The following SNAP23 variants were observed in gnomAD, a reference collection of about 807,000 sequenced individuals.
SNAP23 encodes the protein synaptosomal-associated protein 23.
Under a neutral mutation model 29.0 loss-of-function variants are expected in SNAP23, and 11 were observed. The observed-to-expected ratio is 0.38, with a 90% CI of 0.24 to 0.63. The LOEUF is 0.63. SNAP23 is among the 20% of genes least tolerant of loss of function. The pLI, the probability that SNAP23 is intolerant of heterozygous loss-of-function variation, is 0.58. For missense variants in SNAP23, 220 were observed against 253.9 expected (o/e 0.87, Z 0.91); for synonymous variants, 60 against 82.9 (o/e 0.72, Z 1.50).
intron 3 of SNAP23, 200 bp downstream of exon 3, chr15:42,513,196 T>C (rs766684707): frequency 4.0e-6 from 3 of 743,156 alleles, no homozygotes; most frequent in Non-Finnish European, 4.9e-6. Context: ...ACAGGGAAGA[T>C]GAATTCACTA....
chr15:42,497,947 C>T (rs932602018), intron 1 of SNAP23, among the ~76,000 whole-genome samples: 12 of 152,192 alleles, frequency 7.9e-5, no homozygotes, highest in African/African-American at 2.7e-4. Context: ...ACAGCCATTA[C>T]GTCTTAAAAC....
intron 4 of SNAP23, among the ~76,000 whole-genome samples, chr15:42,514,215 C>A (rs557512422): frequency 6.6e-6 from 1 of 151,512 alleles, no homozygotes; most frequent in African/African-American, 2.4e-5. Flanking sequence ...GTGGCTTACT[C>A]CAGGATCCTC....
intron 5 of SNAP23, among the ~76,000 whole-genome samples, chr15:42,525,499 T>A (rs1446698663): frequency 4.4e-5 from 5 of 114,810 alleles, no homozygotes; most frequent in African/African-American, 1.6e-4. Flanking sequence ...AGTCTCACTC[T>A]GTCACCAAGG....
At chr15:42,498,462 G>C (rs58952814) in intron 1 of SNAP23, among the ~76,000 whole-genome samples, 7,221 of 152,258 alleles carry the variant, frequency 0.047, 572 homozygotes, top group African/African-American at 0.16. Context: ...AGCCCAAGCT[G>C]TACCTTGACC....
chr15:42,492,676 C>CAAAAAAAAAAAAAAAAAAAA (rs35363727), upstream of SNAP23: 1 of 83,688 alleles, frequency 1.2e-5, no homozygotes, highest in African/African-American at 5.0e-5. Flanking sequence ...GACTGCGTCT[C>CAAAAAAAAAAAAAAAAAAAA]AAAAAAAAAA....
In SNAP23 at chr15:42,532,551, C is replaced by G. The variant is rs1221944319; in HGVS notation, c.*1073C>G. 2 of 152,536 alleles carry G rather than the reference C, an allele frequency of 1.3e-5. No homozygotes were observed. Among genetic ancestry groups the G allele is most frequent in the Admixed American group, 6.5e-5 (1 of 15,272 alleles). The allele number at this position is 152,536 out of a possible 1,614,324, so 9.4% of individuals were successfully genotyped here. ...CATGGTTCCATTACAGGCCTATTAA[C>G]ATCATACATTGTCATTAGTCTTTGA... is the stretch of plus-strand genomic sequence containing the variant. On this transcript the variant is annotated 3_prime_UTR_variant, in exon 8 of 8. Coordinates refer to ENST00000249647, the MANE Select transcript of SNAP23 (RefSeq NM_003825.4).
At chr15:42,515,458 A>G (rs1235029733) in intron 5 of SNAP23, 104 bp downstream of exon 5, 29 of 675,174 alleles carry the variant, frequency 4.3e-5, no homozygotes, top group Middle Eastern at 2.5e-4. Flanking sequence ...GAGGAACTCT[A>G]TTAGATAAAT....
intron 5 of SNAP23, chr15:42,521,351 T>G: frequency 1.7e-6 from 1 of 581,370 alleles, no homozygotes; most frequent in South Asian, 7.6e-5. Flanking sequence ...TCTCTCATAT[T>G]GTCTAATTTT....
chr15:42,498,321 A>G (rs1413855750), intron 1 of SNAP23, among the ~76,000 whole-genome samples: 7 of 152,204 alleles, frequency 4.6e-5, no homozygotes, highest in Admixed American at 3.9e-4. Context: ...CTGGACATCC[A>G]GGCATTTCCG....
intron 1 of SNAP23, among the ~76,000 whole-genome samples, chr15:42,498,889 C>G (rs2057245690): frequency 6.6e-6 from 1 of 152,136 alleles, no homozygotes; most frequent in Non-Finnish European, 1.5e-5. Context: ...CTAGGTTTTA[C>G]TTTAGGTGCT....
chr15:42,532,455 A>G lies in SNAP23; in HGVS notation c.*977A>G, dbSNP rs2057575855. On this transcript the variant is annotated 3_prime_UTR_variant, in exon 8 of 8. Transcript: ENST00000249647. ...TATATGTACATAAATCTGTGATCCC[A>G]TTTCTTATTGCACCATTCAGGAACA... is the stretch of plus-strand genomic sequence containing the variant. The G allele has an allele frequency of 6.6e-6, 1 of 152,218 alleles. No homozygotes were observed. The allele number at this position is 152,218 out of a possible 1,614,324, so 9.4% of individuals were successfully genotyped here. A position where few individuals can be genotyped will look rare whatever the true frequency, so the allele number is the denominator to read the frequency against.
upstream of SNAP23, among the ~76,000 whole-genome samples, chr15:42,494,975 C>G (rs1305074090): frequency 6.6e-6 from 1 of 152,172 alleles, no homozygotes; most frequent in African/African-American, 2.4e-5. Flanking sequence ...AATTCCAAGG[C>G]CTTCCAAGAT....
chr15:42,529,631 T>C, intron 6 of SNAP23, 44 bp from the exon 7 acceptor site: 1 of 1,590,136 alleles, frequency 6.3e-7, no homozygotes, highest in Non-Finnish European at 8.5e-7. Context: ...GACTTTTATT[T>C]AAATTCAACA....
At chr15:42,515,377 T>C (rs756550732) in intron 5 of SNAP23, 23 bp downstream of exon 5, 2 of 1,473,500 alleles carry the variant, frequency 1.4e-6, no homozygotes, top group Admixed American at 1.8e-5. Flanking sequence ...ATTAAGATGG[T>C]TTCAAAATAA....
At chr15:42,501,990 G>A (rs745642776) in intron 1 of SNAP23, among the ~76,000 whole-genome samples, 1 of 150,446 alleles carries the variant, frequency 6.6e-6, no homozygotes. Flanking sequence ...TCTGTTGGGG[G>A]TATCCTTTCC....
intron 5 of SNAP23, among the ~76,000 whole-genome samples, chr15:42,517,754 G>A (rs527966289): frequency 7.2e-5 from 11 of 152,172 alleles, no homozygotes; most frequent in Admixed American, 2.0e-4. Flanking sequence ...TCTGTCTCCC[G>A]GGCTTGAATG....
intron 1 of SNAP23, among the ~76,000 whole-genome samples, chr15:42,508,819 T>C (rs1210008673): frequency 6.6e-6 from 1 of 152,202 alleles, no homozygotes; most frequent in Non-Finnish European, 1.5e-5. Flanking sequence ...ACATAATTTG[T>C]GATATTTGGG....
intron 4 of SNAP23, among the ~76,000 whole-genome samples, chr15:42,513,758 AC>A (rs1030661420): frequency 6.6e-6 from 1 of 150,588 alleles, no homozygotes; most frequent in African/African-American, 2.5e-5. Context: ...CTGCCACCAC[AC>A]CCAACTATGT....
chr15:42,510,017 C>T (rs1404595932), intron 1 of SNAP23, among the ~76,000 whole-genome samples: 1 of 152,088 alleles, frequency 6.6e-6, no homozygotes, highest in Non-Finnish European at 1.5e-5. Context: ...TGCAGTGAGT[C>T]AGGGTTACAC....
Sources: allele counts gnomAD v4.1 joint callset (sites outside exome capture counted in the v4.1 genomes callset), GRCh38; gene constraint gnomAD v4.1.1; transcripts MANE v1.5; gene names NCBI Gene and HGNC (gene_info 2026-07-23, HGNC 2026-07-21).